FBRSL1: variants seen among roughly 807,000 people sequenced by gnomAD.
FBRSL1 encodes the protein fibrosin-1-like protein.
In FBRSL1, 51 loss-of-function variants were observed where a neutral mutation model predicts 89.6. That is an observed-to-expected ratio of 0.57 (90% CI 0.45 to 0.72). The LOEUF (loss-of-function observed/expected upper bound fraction) is 0.72. FBRSL1 is among the 30% of genes least tolerant of loss of function. The pLI, the probability that FBRSL1 is intolerant of heterozygous loss-of-function variation, is 0.00. For synonymous variants in FBRSL1, 779 were observed against 681.1 expected (o/e 1.14, Z -2.24); for missense variants, 1,618 against 1,451.8 (o/e 1.11, Z -1.86).
At chr12:132,565,512 C>CATGTACCCGAGTGTGCTCACGTAT (rs2039539577) in intron 5 of FBRSL1, 1 of 53,858 alleles carries the variant, frequency 1.9e-5, no homozygotes, top group African/African-American at 5.4e-5. Flanking sequence ...TCCTCATGTA[C>CATGTACCCGAGTGTGCTCACGTAT]ACGTACCCGA....
At chr12:132,492,023 G>A (rs1008579587) in intron 1 of FBRSL1, among the ~76,000 whole-genome samples, 1 of 152,218 alleles carries the variant, frequency 6.6e-6, no homozygotes, top group African/African-American at 2.4e-5. Flanking sequence ...CCATTGCTCT[G>A]TGCTGGGACG....
chr12:132,509,136 A>G, intron 2 of FBRSL1: 3 of 1,236,208 alleles, frequency 2.4e-6, no homozygotes, highest in Non-Finnish European at 3.0e-6. Flanking sequence ...ACACCTGCCC[A>G]GGTGGACACG....
intron 4 of FBRSL1, among the ~76,000 whole-genome samples, chr12:132,534,611 G>T (rs2036564065): frequency 6.6e-6 from 1 of 152,272 alleles, no homozygotes; most frequent in Admixed American, 6.5e-5. Flanking sequence ...TTGTGGGTCA[G>T]AATTGAGCAA....
intron 5 of FBRSL1, among the ~76,000 whole-genome samples, chr12:132,548,238 G>A (rs1279844848): frequency 6.6e-6 from 1 of 152,174 alleles, no homozygotes; most frequent in African/African-American, 2.4e-5. Flanking sequence ...CCAGGGCTGG[G>A]GCCGGTACCG....
At position 132,583,654 on chromosome 12, in the gene FBRSL1, C is replaced by T. The variant is rs1283088356; in HGVS notation, c.2885C>T (p.Ala962Val). The T allele has an allele frequency of 4.8e-6, 5 of 1,038,548 alleles. No homozygotes were observed. The highest frequency in any genetic ancestry group is 4.6e-6 in the Non-Finnish European group (4 of 863,604). 64.3% of individuals were successfully genotyped at this position (1,038,548 alleles called of 1,614,324 possible). A position where few individuals can be genotyped will look rare whatever the true frequency, so the allele number is the denominator to read the frequency against. The change falls in exon 19 of 19, where the codon GCG becomes GTG. Residue 962 changes from alanine to valine, a missense_variant. Ala to Val is a moderately conservative substitution (Grantham distance 64). Transcript: ENST00000680143. ...ALGAPPPLVT[A>V]AGPPTPPGPP... The stretch of plus-strand genomic sequence containing the variant: ...GGCGCACCGCCCCCCCTGGTGACGG[C>T]GGCCGGGCCCCCCACGCCCCCCGGG...
intron 2 of FBRSL1, chr12:132,510,569 C>T (rs1343046758): frequency 3.2e-6 from 4 of 1,230,912 alleles, no homozygotes; most frequent in Non-Finnish European, 4.0e-6. Flanking sequence ...CCGGACTAGC[C>T]TGAGGCCTTG....
In FBRSL1 at chr12:132,546,246, G is replaced by A. The variant is rs994200856; in HGVS notation, c.616-1757G>A. The stretch of plus-strand genomic sequence containing the variant: ...CAAGGCCCGCCCATATCACAGCAGG[G>A]GAGATGGAGGACTCAGAGGCCCAGG... On this transcript the variant is annotated intron_variant, in intron 4 of 18. Coordinates refer to ENST00000680143, the MANE Select transcript of FBRSL1 (RefSeq NM_001367871.1). This position sits in a 1 kb window ranked among gnomAD's most constrained non-coding sequence, Gnocchi z 4.0. Among the ~76,000 whole-genome samples the A allele has an allele frequency of 1.3e-5, 2 of 152,244 alleles. No individual in the cohort carries two copies. Among genetic ancestry groups the A allele is most frequent in the African/African-American group, 4.8e-5 (2 of 41,458 alleles).
chr12:132,498,491 G>A (rs1163055943), intron 1 of FBRSL1, among the ~76,000 whole-genome samples: 1 of 152,218 alleles, frequency 6.6e-6, no homozygotes, highest in Non-Finnish European at 1.5e-5. Flanking sequence ...TCATCCTACA[G>A]ACCCTCCAGG....
intron 5 of FBRSL1, chr12:132,565,935 G>A (rs2323982): frequency 0.23 from 35,513 of 152,144 alleles, 4,921 homozygotes; most frequent in East Asian, 0.32. Flanking sequence ...AGGAGTCAGG[G>A]TTTCTTTTTG....
At chr12:132,556,745 G>C (rs12829204) in intron 5 of FBRSL1, among the ~76,000 whole-genome samples, 3 of 28,158 alleles carry the variant, frequency 1.1e-4, no homozygotes, top group African/African-American at 6.1e-4. Context: ...TCAGGCCTTC[G>C]TGCTGCACCC....
chr12:132,511,589 G>A (rs756066786), intron 2 of FBRSL1: 6 of 985,496 alleles, frequency 6.1e-6, no homozygotes, highest in Non-Finnish European at 7.2e-6. Flanking sequence ...GTCCTCCAGA[G>A]AGCAGCGTTG....
At chr12:132,490,931 T>C in intron 1 of FBRSL1, 70 bp downstream of exon 1, 1 of 1,093,262 alleles carries the variant, frequency 9.1e-7, no homozygotes, top group Admixed American at 5.2e-5. Flanking sequence ...CGTCGGGCGA[T>C]CCCGGGACCC....
chr12:132,508,310 G>A lies in FBRSL1; in HGVS notation c.449G>A (p.Cys150Tyr), dbSNP rs758078696. The A allele has an allele frequency of 1.1e-5, 17 of 1,547,166 alleles. No individual in the cohort carries two copies. In the Admixed American group the frequency reaches 1.6e-4, roughly 14 times the overall value. ...GSPGQDLEPA[C>Y]DGARKVPLQP... ...CCCGGGCAGGACCTCGAACCCGCCT[G>A]CGATGGGGCGAGAAAGGTCCCACTG... Residue 150 changes from cysteine to tyrosine, a missense_variant, in exon 2 of 19, where the codon TGC (cysteine) becomes TAC (tyrosine). Transcript: ENST00000680143.
intron 5 of FBRSL1, chr12:132,552,679 AC>A (rs1453966577): frequency 2.9e-5 from 4 of 137,052 alleles, no homozygotes; most frequent in African/African-American, 1.2e-4. Flanking sequence ...TGGGGCACTC[AC>A]CCCGTGCGAC....
chr12:132,508,132 C>T (rs1047079717), intron 1 of FBRSL1, 21 bp from the exon 2 acceptor site: 17 of 1,274,500 alleles, frequency 1.3e-5, no homozygotes, highest in African/African-American at 4.3e-5. Flanking sequence ...AATTAACTGG[C>T]GTTTCCCTGT....
intron 4 of FBRSL1, among the ~76,000 whole-genome samples, chr12:132,532,931 G>A (rs1159611423): frequency 2.0e-5 from 3 of 152,186 alleles, no homozygotes; most frequent in African/African-American, 4.8e-5. Context: ...CGCTGCCCTC[G>A]CTCTGTGCCA....
At chr12:132,517,079 A>G (rs1446087272) in intron 2 of FBRSL1, among the ~76,000 whole-genome samples, 1 of 152,218 alleles carries the variant, frequency 6.6e-6, no homozygotes, top group African/African-American at 2.4e-5. Context: ...CCCGGTTGCC[A>G]GGCAAGGGTC....
At chr12:132,557,087 G>A (rs1179567106) in intron 5 of FBRSL1, among the ~76,000 whole-genome samples, 1 of 152,178 alleles carries the variant, frequency 6.6e-6, no homozygotes, top group Non-Finnish European at 1.5e-5. Flanking sequence ...AGAGGACCCT[G>A]TGTGCTCTGC....
intron 15 of FBRSL1, 190 bp from the exon 16 acceptor site, chr12:132,581,249 A>C: frequency 3.0e-6 from 3 of 985,082 alleles, no homozygotes; most frequent in Non-Finnish European, 3.6e-6. Flanking sequence ...TCCAAGTCAA[A>C]CCTCCTCCGA....
Sources: allele counts gnomAD v4.1 joint callset (sites outside exome capture counted in the v4.1 genomes callset), GRCh38; gene constraint gnomAD v4.1.1; non-coding constraint Gnocchi (gnomAD v3.1); transcripts MANE v1.5; gene names NCBI Gene and HGNC (gene_info 2026-07-23, HGNC 2026-07-21).